GLT1D1: variants seen among roughly 807,000 people sequenced by gnomAD.
The protein encoded by GLT1D1 is glycosyltransferase 1 domain-containing protein 1.
GLT1D1 carries 21 observed loss-of-function variants against 28.7 expected under a neutral mutation model. That is an observed-to-expected ratio of 0.73 (90% CI 0.52 to 1.05). The LOEUF is 1.05. Among genes scored for constraint, GLT1D1 ranks in the 50% least tolerant of loss-of-function variants. GLT1D1 has a pLI of 0.00. For synonymous variants in GLT1D1, 147 were observed against 124.8 expected, an observed-to-expected ratio of 1.18 and a Z score of -1.19; for missense variants, 343 against 330.6, an observed-to-expected ratio of 1.04 and a Z score of -0.29.
At chr12:128,878,605 A>T (rs1956928339) in intron 2 of GLT1D1, among the ~76,000 whole-genome samples, 1 of 149,674 alleles carries the variant, frequency 6.7e-6, no homozygotes, top group Non-Finnish European at 1.5e-5. Context: ...ATGACTTTGA[A>T]TTTTTTTTTT....
intron 1 of GLT1D1, among the ~76,000 whole-genome samples, chr12:128,865,824 A>T (rs1956498515): frequency 6.6e-6 from 1 of 150,994 alleles, no homozygotes; most frequent in Non-Finnish European, 1.5e-5. Context: ...TCTGCCACGA[A>T]AACAAAACAA....
intron 6 of GLT1D1, among the ~76,000 whole-genome samples, chr12:128,950,152 A>G (rs751196123): frequency 6.6e-6 from 1 of 152,158 alleles, no homozygotes. Flanking sequence ...AGTTTTCATC[A>G]TTAGGAAGAT....
intron 3 of GLT1D1, among the ~76,000 whole-genome samples, chr12:128,897,319 T>C (rs1024684768): frequency 6.6e-6 from 1 of 152,200 alleles, no homozygotes; most frequent in Non-Finnish European, 1.5e-5. Context: ...CAATTGCACA[T>C]GTTTCTTCCA....
intron 4 of GLT1D1, among the ~76,000 whole-genome samples, chr12:128,931,821 T>A (rs1873924077): frequency 6.6e-6 from 1 of 152,082 alleles, no homozygotes; most frequent in Admixed American, 6.6e-5. Flanking sequence ...TGTGTGTGGT[T>A]TTTTAATTAA....
At chr12:128,923,594 T>G (rs1015528601) in intron 4 of GLT1D1, among the ~76,000 whole-genome samples, 2 of 152,068 alleles carry the variant, frequency 1.3e-5, no homozygotes, top group Non-Finnish European at 2.9e-5. Flanking sequence ...CCATCTCTGC[T>G]TACTGCAACC....
At chr12:128,910,115 G>T (rs1338895194) in intron 4 of GLT1D1, among the ~76,000 whole-genome samples, 4 of 152,154 alleles carry the variant, frequency 2.6e-5, no homozygotes, top group African/African-American at 9.7e-5. Flanking sequence ...TGTTTGCCTG[G>T]ATGAGATCTG....
rs183382881 is a variant in GLT1D1 at position 128,966,451 on chromosome 12, C to G, written c.639+8808C>G. On this transcript the variant is annotated intron_variant, in intron 7 of 7. Coordinates refer to ENST00000281703, the MANE Select transcript of GLT1D1 (RefSeq NM_144669.3). ...CCCCAGCCTCTTTTCACCACCCTTCCCTATCTTATTTCATTCCTGGCATGT... is the reference window on the plus strand; with the variant it reads ...CCCCAGCCTCTTTTCACCACCCTTCGCTATCTTATTTCATTCCTGGCATGT... Among the ~76,000 whole-genome samples, 373 of 152,358 alleles carry G rather than the reference C, an allele frequency of 2.4e-3. 10 individuals are homozygous for G. The highest frequency in any genetic ancestry group is 6.4e-3 in the East Asian group (33 of 5,176).
intron 4 of GLT1D1, among the ~76,000 whole-genome samples, chr12:128,908,309 T>C (rs2135874689): frequency 6.6e-6 from 1 of 151,896 alleles, no homozygotes; most frequent in Admixed American, 6.6e-5. Flanking sequence ...ACCCACGTAT[T>C]TTCTTTTACT....
chr12:128,944,971 G>A (rs1003470561), intron 4 of GLT1D1: 31 of 549,488 alleles, frequency 5.6e-5, no homozygotes, highest in South Asian at 2.5e-4. Flanking sequence ...AACAGGCCCC[G>A]GTGTGTGATG....
intron 6 of GLT1D1, among the ~76,000 whole-genome samples, chr12:128,948,244 G>A (rs11060036): frequency 0.44 from 66,635 of 151,856 alleles, 16,032 homozygotes; most frequent in Non-Finnish European, 0.54. Context: ...CATTATCTTC[G>A]GTGCTTGATA....
At chr12:128,858,844 CCA>C (rs201538535) in intron 1 of GLT1D1, among the ~76,000 whole-genome samples, 5,422 of 152,212 alleles carry the variant, frequency 0.036, 145 homozygotes, top group Middle Eastern at 0.058. Flanking sequence ...ACGTTGGTCT[CCA>C]CAGTCTTTTA....
chr12:128,858,410 G>A (rs922915522), intron 1 of GLT1D1, among the ~76,000 whole-genome samples: 2 of 152,188 alleles, frequency 1.3e-5, no homozygotes, highest in African/African-American at 2.4e-5. Context: ...GGTGGCTCAC[G>A]TCTGTAATCA....
At chr12:128,864,568 G>A (rs1175726398) in intron 1 of GLT1D1, among the ~76,000 whole-genome samples, 1 of 152,210 alleles carries the variant, frequency 6.6e-6, no homozygotes, top group East Asian at 1.9e-4. Context: ...ATGGGAGATG[G>A]AGACGGTGAA....
intron 7 of GLT1D1, among the ~76,000 whole-genome samples, chr12:128,966,324 G>A (rs186710405): frequency 6.6e-6 from 1 of 152,310 alleles, no homozygotes; most frequent in East Asian, 1.9e-4. Flanking sequence ...TTTTTCTGAT[G>A]GCCACCAAGC....
intron 4 of GLT1D1, among the ~76,000 whole-genome samples, chr12:128,916,005 T>C (rs1872075582): frequency 6.7e-6 from 1 of 148,372 alleles, no homozygotes; most frequent in Non-Finnish European, 1.5e-5. Flanking sequence ...AGTTCTCTCA[T>C]GCCCTCTTCC....
At chr12:128,934,075 A>G (rs1289051263) in intron 4 of GLT1D1, among the ~76,000 whole-genome samples, 6 of 152,128 alleles carry the variant, frequency 3.9e-5, no homozygotes, top group African/African-American at 1.4e-4. Context: ...TGCAAAGCTC[A>G]ATGAATGAAC....
intron 7 of GLT1D1, among the ~76,000 whole-genome samples, chr12:128,969,174 C>T (rs549278127): frequency 8.9e-4 from 129 of 145,354 alleles, no homozygotes; most frequent in Non-Finnish European, 1.3e-3. Context: ...GTCTCTTCCT[C>T]TGTCTCTGTT....
At chr12:128,940,704 T>C (rs1875116420) in intron 4 of GLT1D1, among the ~76,000 whole-genome samples, 1 of 152,232 alleles carries the variant, frequency 6.6e-6, no homozygotes, top group Non-Finnish European at 1.5e-5. Flanking sequence ...CCAAAGCACC[T>C]GTTCCTTCCA....
intron 4 of GLT1D1, among the ~76,000 whole-genome samples, chr12:128,899,639 T>A (rs899018081): frequency 1.4e-5 from 2 of 143,572 alleles, no homozygotes; most frequent in African/African-American, 5.1e-5. Flanking sequence ...AACTTCCACC[T>A]CCCGGGTTCA....
Sources: allele counts gnomAD v4.1 joint callset (sites outside exome capture counted in the v4.1 genomes callset), GRCh38; gene constraint gnomAD v4.1.1; transcripts MANE v1.5; gene names NCBI Gene and HGNC (gene_info 2026-07-23, HGNC 2026-07-21).